RELN: variants seen among roughly 807,000 people sequenced by gnomAD.
The protein encoded by RELN is reelin.
A neutral mutation model predicts 427.6 loss-of-function variants in RELN; 108 were observed. That is an observed-to-expected ratio of 0.25 (90% CI 0.22 to 0.30). The LOEUF (loss-of-function observed/expected upper bound fraction) is 0.30, where lower values mean the gene tolerates loss of function less well. Among genes scored for constraint, RELN ranks in the 10% least tolerant of loss-of-function variants. The pLI is 1.00. For missense variants in RELN, 3,715 were observed against 4,302.8 expected (o/e 0.86, Z 3.82); for synonymous variants, 1,524 against 1,513.4 (o/e 1.01, Z -0.16).
chr7:103,915,978 C>A (rs1377984437), intron 2 of RELN, among the ~76,000 whole-genome samples: 2 of 152,132 alleles, frequency 1.3e-5, no homozygotes, highest in Admixed American at 6.5e-5. Flanking sequence ...AGGTTTGGAC[C>A]TTAGAAGTAG....
rs770570216 is a variant in RELN at position 103,989,133 on chromosome 7, T to C, written c.224A>G (p.His75Arg). 5.0e-6 allele frequency: 8 copies of C among 1,612,906 alleles called. No individual in the cohort carries two copies. The Admixed American group carries it at 6.7e-5, about 13-fold the overall frequency. Residue 75 changes from histidine to arginine, a missense_variant and splice_region_variant, in exon 1 of 65, where the codon CAT becomes CGT. This residue lies in a region of RELN where 2,208 missense variants were observed against 2,361.7 expected (regional missense o/e 0.93). Transcript: ENST00000428762. This position sits in a 1 kb window ranked among gnomAD's most constrained non-coding sequence, Gnocchi z 4.9. ...CGCGGAGGTGCTGCGGTACCTACCA[T>C]GGTATTCTTGTCCCGGAACGTAGTA... ...PTYYVPGQEYHVTISTSTFFD... is the reference protein window; with the variant it reads ...PTYYVPGQEYRVTISTSTFFD...
chr7:103,632,656 C>T (rs1832495264), intron 19 of RELN, among the ~76,000 whole-genome samples: 1 of 152,060 alleles, frequency 6.6e-6, no homozygotes, highest in South Asian at 2.1e-4. Context: ...GAAGAGAACA[C>T]AGAGACTTAA....
chr7:103,474,882 A>C (rs1014260421), intron 64 of RELN, among the ~76,000 whole-genome samples: 2 of 152,050 alleles, frequency 1.3e-5, no homozygotes, highest in Admixed American at 1.3e-4. Context: ...AATTGTATAC[A>C]TGTGCATGTA....
At chr7:103,527,163 T>G (rs530497601) in intron 46 of RELN, among the ~76,000 whole-genome samples, 2 of 152,208 alleles carry the variant, frequency 1.3e-5, no homozygotes, top group Non-Finnish European at 2.9e-5. Context: ...TACAGAGTCT[T>G]CATTTTTGCT....
intron 3 of RELN, 131 bp downstream of exon 3, chr7:103,833,406 C>A: frequency 3.1e-6 from 3 of 958,888 alleles, no homozygotes; most frequent in African/African-American, 1.6e-5. Context: ...TTTTTGGCAA[C>A]AAAATTAGTG....
chr7:103,651,852 A>G, intron 14 of RELN, 63 bp from the exon 15 acceptor site: 2 of 1,548,254 alleles, frequency 1.3e-6, no homozygotes, highest in Admixed American at 3.5e-5. Context: ...AATCAAATGA[A>G]ATTTTCAACT....
chr7:103,535,838 G>A (rs1395326739), intron 45 of RELN, among the ~76,000 whole-genome samples: 1 of 151,840 alleles, frequency 6.6e-6, no homozygotes, highest in Non-Finnish European at 1.5e-5. Context: ...GCATATAATT[G>A]GTAAGATATA....
chr7:103,491,380 T>G (rs371739960), intron 58 of RELN, among the ~76,000 whole-genome samples: 11 of 152,280 alleles, frequency 7.2e-5, no homozygotes, highest in African/African-American at 2.6e-4. Context: ...TTTGCTTATT[T>G]TGATAAAATT....
intron 2 of RELN, among the ~76,000 whole-genome samples, chr7:103,903,247 A>G (rs1795120767): frequency 6.6e-6 from 1 of 151,318 alleles, no homozygotes; most frequent in South Asian, 2.1e-4. Flanking sequence ...AGCATCTCTT[A>G]TCAGCAAAGA....
intron 57 of RELN, among the ~76,000 whole-genome samples, chr7:103,493,970 T>G (rs1403453460): frequency 6.6e-6 from 1 of 152,134 alleles, no homozygotes; most frequent in South Asian, 2.1e-4. Flanking sequence ...GTCTCTTCAG[T>G]GCAGTTACTT....
chr7:103,708,964 C>T (rs1457821044), intron 8 of RELN, among the ~76,000 whole-genome samples: 3 of 152,128 alleles, frequency 2.0e-5, no homozygotes, highest in East Asian at 1.9e-4. Flanking sequence ...AGAATGTTGG[C>T]CCCTCCAGAG....
intron 6 of RELN, among the ~76,000 whole-genome samples, chr7:103,737,682 T>A (rs1790528976): frequency 6.6e-6 from 1 of 152,218 alleles, no homozygotes. Flanking sequence ...TCTTTTTCCT[T>A]ATTTCATATT....
intron 57 of RELN, among the ~76,000 whole-genome samples, chr7:103,494,660 A>T (rs11979752): frequency 1.3e-5 from 2 of 151,082 alleles, no homozygotes; most frequent in African/African-American, 2.4e-5. Context: ...CTGGGATTAC[A>T]GGTGTTTGCA....
chr7:103,605,416 A>T (rs1465513196), intron 22 of RELN, among the ~76,000 whole-genome samples: 1 of 152,212 alleles, frequency 6.6e-6, no homozygotes, highest in Non-Finnish European at 1.5e-5. Flanking sequence ...AGTTCATTAC[A>T]CAGACAGAAA....
rs184812128 is a variant in RELN, at chr7:103,915,152, T to C, written c.337+1923A>G. On this transcript the variant is annotated intron_variant, in intron 2 of 64. Transcript: ENST00000428762. The stretch of plus-strand genomic sequence containing the variant: ...AGCCAGCCTCTTCCCACCTGTGGCC[T>C]TTGCACCTGCTGTTCTTTCCTTTGG... Among the ~76,000 whole-genome samples, 15 of 152,220 alleles carry C rather than the reference T, an allele frequency of 9.9e-5. No homozygotes were observed. In the East Asian group the frequency reaches 2.9e-3, roughly 30 times the overall value.
Position 103,850,517 on chromosome 7 carries a change from GAGC to G in RELN, c.338-16848_338-16846del, listed in dbSNP as rs559631001. 1.3e-3 allele frequency among the ~76,000 whole-genome samples: 191 copies of G among 152,244 alleles called. 1 individual carries two copies. Among genetic ancestry groups the G allele is most frequent in the African/African-American group, 4.4e-3 (181 of 41,548 alleles). The stretch of plus-strand genomic sequence containing the variant: ...GGATCCATCGAGAGGGTAGCCAGAG[GAGC>G]AGAAGGTAAAACTCCACAGGGAGAA... On this transcript the variant is annotated intron_variant, in intron 2 of 64. Transcript: ENST00000428762.
chr7:103,907,310 GGAGGCT>G (rs111485076), intron 2 of RELN, among the ~76,000 whole-genome samples: 16,232 of 146,610 alleles, frequency 0.11, 1,049 homozygotes, highest in South Asian at 0.22. Context: ...CAGCTTCTCG[GGAGGCT>G]GAGGCAGGAG....
intron 11 of RELN, among the ~76,000 whole-genome samples, chr7:103,678,512 C>G (rs1415895220): frequency 6.6e-6 from 1 of 152,200 alleles, no homozygotes; most frequent in Non-Finnish European, 1.5e-5. Context: ...GAAAGGCACA[C>G]AGCTCTTGCA....
Position 103,989,441 on chromosome 7 carries a change from C to G in RELN, c.-85G>C. The G allele has an allele frequency of 8.4e-7, 1 of 1,189,516 alleles. No homozygotes were observed. Among genetic ancestry groups the G allele is most frequent in the Non-Finnish European group, 1.1e-6 (1 of 914,198 alleles). 73.7% of individuals were successfully genotyped at this position (1,189,516 alleles called of 1,614,324 possible). ...GAGACGCCGGGACGGAGGAGCCACG[C>G]GGAGAGAAGGCGAGAAGAAGGCGGA... On this transcript the variant is annotated 5_prime_UTR_variant, in exon 1 of 65. Transcript: ENST00000428762. The surrounding 1 kb of genome is among the most constrained non-coding windows in gnomAD (Gnocchi z 4.9).
Sources: allele counts gnomAD v4.1 joint callset (sites outside exome capture counted in the v4.1 genomes callset), GRCh38; gene constraint gnomAD v4.1.1; regional missense constraint gnomAD v4.1.1; non-coding constraint Gnocchi (gnomAD v3.1); transcripts MANE v1.5; gene names NCBI Gene and HGNC (gene_info 2026-07-23, HGNC 2026-07-21).